Variants in TRDN observed in about 807,000 individuals in gnomAD.
TRDN encodes the protein triadin.
A neutral mutation model predicts 149.7 loss-of-function variants in TRDN; 161 were observed. The observed-to-expected ratio is 1.08, with a 90% confidence interval of 0.95 to 1.23. The LOEUF (loss-of-function observed/expected upper bound fraction) is 1.23. Ranked by LOEUF, TRDN falls within the 50% of genes most tolerant of loss-of-function variation. TRDN has a pLI of 0.00. For missense variants in TRDN, 896 were observed against 823.5 expected (o/e 1.09, Z -1.08); for synonymous variants, 294 against 250.5 (o/e 1.17, Z -1.64).
intron 24 of TRDN, among the ~76,000 whole-genome samples, chr6:123,298,661 A>C (rs552646591): frequency 3.3e-5 from 5 of 152,086 alleles, no homozygotes; most frequent in Non-Finnish European, 7.4e-5. Context: ...ACAAGTGACA[A>C]CACCATATAA....
intron 29 of TRDN, among the ~76,000 whole-genome samples, chr6:123,271,724 G>T (rs1239091613): frequency 1.3e-5 from 2 of 151,926 alleles, no homozygotes; most frequent in African/African-American, 4.8e-5. Flanking sequence ...AGAGATTATT[G>T]CCCTGATACT....
chr6:123,474,347 G>T (rs1314548022), intron 9 of TRDN, among the ~76,000 whole-genome samples: 2 of 152,052 alleles, frequency 1.3e-5, no homozygotes, highest in African/African-American at 4.8e-5. Context: ...AGACAAAGAA[G>T]GCCATTACAT....
At chr6:123,591,766 A>G (rs9398738) in intron 1 of TRDN, among the ~76,000 whole-genome samples, 36,684 of 152,172 alleles carry the variant, frequency 0.24, 5,309 homozygotes, top group East Asian at 0.56. Context: ...TGTGCCTTTC[A>G]AAGGACTTTT....
At chr6:123,528,397 T>C (rs1303530351) in intron 5 of TRDN, among the ~76,000 whole-genome samples, 1 of 151,722 alleles carries the variant, frequency 6.6e-6, no homozygotes, top group Admixed American at 6.6e-5. Flanking sequence ...GGAAAAAAAC[T>C]ATAGAGAAAT....
chr6:123,464,943 T>C lies in TRDN; in HGVS notation c.894A>G (p.Gln298=), dbSNP rs1489564658. Residue 298 remains glutamine, a synonymous_variant, in exon 10 of 41, where the codon CAA becomes CAG. Coordinates refer to ENST00000334268, the MANE Select transcript of TRDN (RefSeq NM_006073.4). ...GTGATGCCGGAGTGGGTCTGGAAGC[T>C]TGTTCTGTCGGTAAGGGAGGTGGAA... is the stretch of plus-strand genomic sequence containing the variant. ...PAIPPPLPTE[Q]ASRPTPASPA... 2 of 1,599,666 alleles carry C rather than the reference T, an allele frequency of 1.3e-6. No individual in the cohort carries two copies. Among genetic ancestry groups the C allele is most frequent in the Non-Finnish European group, 1.7e-6 (2 of 1,172,908 alleles).
intron 19 of TRDN, among the ~76,000 whole-genome samples, chr6:123,366,438 G>A (rs374099157): frequency 6.2e-4 from 95 of 152,180 alleles, no homozygotes; most frequent in African/African-American, 2.0e-3. Context: ...ATAAAAGAAG[G>A]TGGCCTATTC....
chr6:123,527,125 T>A (rs1779989100), intron 5 of TRDN, among the ~76,000 whole-genome samples: 1 of 151,996 alleles, frequency 6.6e-6, no homozygotes, highest in African/African-American at 2.4e-5. Flanking sequence ...ATTAAAGACC[T>A]TTCTAAAAGT....
At chr6:123,401,637 G>T (rs1772977314) in intron 12 of TRDN, among the ~76,000 whole-genome samples, 1 of 152,012 alleles carries the variant, frequency 6.6e-6, no homozygotes, top group Admixed American at 6.6e-5. Flanking sequence ...TTTTAAGGAG[G>T]CAGGATATAG....
chr6:123,594,119 A>G (rs1783918477), intron 1 of TRDN, among the ~76,000 whole-genome samples: 2 of 152,180 alleles, frequency 1.3e-5, no homozygotes, highest in South Asian at 4.1e-4. Flanking sequence ...TAGGTCAGTG[A>G]GGCATATGCC....
At chr6:123,522,016 G>A (rs1434165865) in intron 5 of TRDN, among the ~76,000 whole-genome samples, 1 of 152,100 alleles carries the variant, frequency 6.6e-6, no homozygotes, top group Non-Finnish European at 1.5e-5. Context: ...ATCACCTAGT[G>A]GCTGTGACCA....
chr6:123,572,647 A>T (rs1314212033), intron 1 of TRDN, among the ~76,000 whole-genome samples: 2 of 152,144 alleles, frequency 1.3e-5, no homozygotes, highest in African/African-American at 4.8e-5. Context: ...GAAGTAAGTA[A>T]TTGAATACTT....
chr6:123,513,264 T>G (rs1373603870), intron 6 of TRDN, among the ~76,000 whole-genome samples: 1 of 152,212 alleles, frequency 6.6e-6, no homozygotes, highest in Non-Finnish European at 1.5e-5. Flanking sequence ...CAAGGCACTA[T>G]TCAAACAAGG....
intron 40 of TRDN, among the ~76,000 whole-genome samples, chr6:123,220,903 C>T (rs895491519): frequency 2.6e-5 from 4 of 151,626 alleles, no homozygotes; most frequent in African/African-American, 9.7e-5. Flanking sequence ...TATTGCTTTA[C>T]CATATGAACA....
chr6:123,610,012 G>T (rs866337945), intron 1 of TRDN, among the ~76,000 whole-genome samples: 7 of 152,004 alleles, frequency 4.6e-5, no homozygotes, highest in Non-Finnish European at 7.4e-5. Flanking sequence ...ATAAACTAAA[G>T]TTACAACTGG....
rs1157878308 is a variant in TRDN at position 123,255,061 on chromosome 6, G to T, written c.1951+20C>A. On this transcript the variant is annotated intron_variant, in intron 37 of 40. Coordinates refer to ENST00000334268, the MANE Select transcript of TRDN (RefSeq NM_006073.4). ...CATATGTTTTCATACAAACATAGTAGTTACGTAATTCAAGATTACCTTTTG... is the reference window on the plus strand; with the variant it reads ...CATATGTTTTCATACAAACATAGTATTTACGTAATTCAAGATTACCTTTTG... The T allele has an allele frequency of 7.7e-7, 1 of 1,294,136 alleles. No homozygotes were observed. The highest frequency in any genetic ancestry group is 2.1e-5 in the Admixed American group (1 of 47,278). The allele number at this position is 1,294,136 out of a possible 1,614,324, so 80.2% of individuals were successfully genotyped here.
intron 24 of TRDN, among the ~76,000 whole-genome samples, chr6:123,289,050 C>T (rs1323952383): frequency 2.1e-5 from 3 of 140,858 alleles, no homozygotes; most frequent in South Asian, 2.3e-4. Flanking sequence ...TATATATATA[C>T]ACTATATATA....
chr6:123,284,006 A>ATATATATATATATATAT (rs1427267027), intron 24 of TRDN, among the ~76,000 whole-genome samples: 28 of 119,434 alleles, frequency 2.3e-4, no homozygotes, highest in African/African-American at 3.1e-4. Context: ...ATATATATGT[A>ATATATATATATATATAT]ACAAACCTGC....
chr6:123,254,021 T>C (rs992851852), intron 37 of TRDN, among the ~76,000 whole-genome samples: 36 of 152,114 alleles, frequency 2.4e-4, no homozygotes, highest in African/African-American at 8.0e-4. Context: ...ACTCTTGAGA[T>C]GTTAGATTTT....
chr6:123,415,657 G>GTC (rs1394397034), intron 12 of TRDN, among the ~76,000 whole-genome samples: 1 of 152,160 alleles, frequency 6.6e-6, no homozygotes. Flanking sequence ...AAATGATGTG[G>GTC]TCTCTCTCTG....
Sources: allele counts gnomAD v4.1 joint callset (sites outside exome capture counted in the v4.1 genomes callset), GRCh38; gene constraint gnomAD v4.1.1; transcripts MANE v1.5; gene names NCBI Gene and HGNC (gene_info 2026-07-23, HGNC 2026-07-21).